MGAT5: variants seen among roughly 807,000 people sequenced by gnomAD.
MGAT5 encodes alpha-1,6-mannosylglycoprotein 6-beta-N-acetylglucosaminyltransferase A.
A neutral mutation model predicts 94.3 loss-of-function variants in MGAT5; 30 were observed. That is an observed-to-expected ratio of 0.32 (90% CI 0.24 to 0.43). MGAT5 has a LOEUF of 0.43. Ranked by LOEUF, MGAT5 falls within the 20% of genes least tolerant of loss-of-function variation. MGAT5 has a pLI of 1.00. For missense variants in MGAT5, 691 were observed against 905.5 expected, an observed-to-expected ratio of 0.76 and a Z score of 3.04; for synonymous variants, 310 against 322.9, an observed-to-expected ratio of 0.96 and a Z score of 0.43.
intron 10 of MGAT5, among the ~76,000 whole-genome samples, chr2:134,392,268 A>G (rs941202455): frequency 1.3e-5 from 2 of 152,190 alleles, no homozygotes; most frequent in African/African-American, 4.8e-5. Flanking sequence ...AAGGTACTCT[A>G]ATTAGAGTGA....
At chr2:134,168,730 C>A (rs978741185) in intron 1 of MGAT5, among the ~76,000 whole-genome samples, 1 of 152,200 alleles carries the variant, frequency 6.6e-6, no homozygotes, top group Non-Finnish European at 1.5e-5. Flanking sequence ...AATACTTTCT[C>A]TAGGCATAAA....
intron 14 of MGAT5, among the ~76,000 whole-genome samples, chr2:134,432,657 C>A (rs1258482409): frequency 6.6e-6 from 1 of 152,358 alleles, no homozygotes; most frequent in East Asian, 1.9e-4. Context: ...AAGCACAGAA[C>A]CCTAGCAGCT....
chr2:134,291,045 A>G (rs1397581987), intron 2 of MGAT5, among the ~76,000 whole-genome samples: 3 of 152,198 alleles, frequency 2.0e-5, no homozygotes, highest in Non-Finnish European at 4.4e-5. Flanking sequence ...TTTACATGTA[A>G]TGTCAAGGAG....
chr2:134,240,191 G>C (rs191770448), intron 1 of MGAT5, among the ~76,000 whole-genome samples: 3 of 152,196 alleles, frequency 2.0e-5, no homozygotes, highest in African/African-American at 4.8e-5. Context: ...TTATATTTAA[G>C]GTCAAATACT....
chr2:134,312,112 CAA>C (rs1686711551), intron 2 of MGAT5, among the ~76,000 whole-genome samples: 1 of 152,134 alleles, frequency 6.6e-6, no homozygotes, highest in Non-Finnish European at 1.5e-5. Context: ...TAACCAGTCA[CAA>C]TGGCACACAC....
At chr2:134,283,605 C>T (rs1256266140) in intron 2 of MGAT5, among the ~76,000 whole-genome samples, 2 of 137,484 alleles carry the variant, frequency 1.5e-5, no homozygotes, top group Non-Finnish European at 3.1e-5. Flanking sequence ...AGGTGCCTGT[C>T]TCTATTCACA....
chr2:134,159,313 C>T (rs962463908), intron 1 of MGAT5, among the ~76,000 whole-genome samples: 2 of 149,632 alleles, frequency 1.3e-5, no homozygotes, highest in African/African-American at 2.5e-5. Flanking sequence ...CTTTTTTTTT[C>T]TTCCCTTCTC....
chr2:134,387,571 G>T (rs1682110581), intron 10 of MGAT5, among the ~76,000 whole-genome samples: 1 of 151,714 alleles, frequency 6.6e-6, no homozygotes, highest in African/African-American at 2.4e-5. Context: ...CTACAGAGCT[G>T]AGCACACAGG....
upstream of MGAT5, among the ~76,000 whole-genome samples, chr2:134,252,736 CTG>C (rs749645657): frequency 6.6e-6 from 1 of 152,126 alleles, no homozygotes; most frequent in Non-Finnish European, 1.5e-5. Context: ...CAAAGAGTAT[CTG>C]TTACATATTT....
At chr2:134,300,126 C>G (rs1339487412) in intron 2 of MGAT5, among the ~76,000 whole-genome samples, 4 of 152,142 alleles carry the variant, frequency 2.6e-5, no homozygotes, top group African/African-American at 9.7e-5. Flanking sequence ...TTGCAAGAAG[C>G]AACCATTCTC....
chr2:134,254,784 G>A (rs1682828804), intron 1 of MGAT5, 140 bp downstream of exon 1: 3 of 1,213,158 alleles, frequency 2.5e-6, no homozygotes, highest in Non-Finnish European at 3.5e-6. Context: ...ACACAGAGAG[G>A]CATCTTTAGG....
intron 2 of MGAT5, among the ~76,000 whole-genome samples, chr2:134,299,886 C>T (rs1685913102): frequency 6.6e-6 from 1 of 152,170 alleles, no homozygotes; most frequent in Admixed American, 6.6e-5. Flanking sequence ...TAAGAAATTC[C>T]TCCCTGGCTT....
intron 1 of MGAT5, among the ~76,000 whole-genome samples, chr2:134,184,462 T>C (rs183297572): frequency 6.6e-6 from 1 of 152,334 alleles, no homozygotes; most frequent in East Asian, 1.9e-4. Context: ...TTCCCCACCA[T>C]CTTCTCTTTG....
At chr2:134,370,028 T>C (rs1315650338) in intron 10 of MGAT5, among the ~76,000 whole-genome samples, 1 of 152,216 alleles carries the variant, frequency 6.6e-6, no homozygotes, top group Non-Finnish European at 1.5e-5. Context: ...AGTCTCAGAC[T>C]AGGTGACTGC....
chr2:134,378,898 G>C (rs1681366307), intron 10 of MGAT5, among the ~76,000 whole-genome samples: 1 of 152,204 alleles, frequency 6.6e-6, no homozygotes, highest in Admixed American at 6.5e-5. Context: ...TCATAGGCAT[G>C]AGCCATCGCG....
chr2:134,306,929 G>C (rs1686363292), intron 2 of MGAT5, among the ~76,000 whole-genome samples: 1 of 152,102 alleles, frequency 6.6e-6, no homozygotes, highest in African/African-American at 2.4e-5. Context: ...GGGACATGCG[G>C]GTGCTACTCT....
At chr2:134,313,672 A>G (rs1686833875) in intron 2 of MGAT5, among the ~76,000 whole-genome samples, 1 of 152,198 alleles carries the variant, frequency 6.6e-6, no homozygotes, top group Non-Finnish European at 1.5e-5. Context: ...TTCAAGTTAC[A>G]TATCTTGGCA....
At chr2:134,187,499 T>G (rs905769651) in intron 1 of MGAT5, among the ~76,000 whole-genome samples, 1 of 152,242 alleles carries the variant, frequency 6.6e-6, no homozygotes, top group Non-Finnish European at 1.5e-5. Flanking sequence ...ACGTTGTCTT[T>G]TACTTCCCCC....
chr2:134,215,432 G>A (rs1169958862), intron 1 of MGAT5, among the ~76,000 whole-genome samples: 3 of 152,200 alleles, frequency 2.0e-5, no homozygotes, highest in Non-Finnish European at 2.9e-5. Flanking sequence ...CATCTGCTCA[G>A]CTTTTGGCGA....
Sources: allele counts gnomAD v4.1 joint callset (sites outside exome capture counted in the v4.1 genomes callset), GRCh38; gene constraint gnomAD v4.1.1; transcripts MANE v1.5; gene names NCBI Gene and HGNC (gene_info 2026-07-23, HGNC 2026-07-21).